The following GPC6 variants were observed in gnomAD, a reference collection of about 807,000 sequenced individuals.
GPC6 encodes the protein glypican 6.
Under a neutral mutation model 55.2 loss-of-function variants are expected in GPC6, and 14 were observed. That is an observed-to-expected ratio of 0.25 (90% CI 0.17 to 0.40). The LOEUF is 0.40. Ranked by LOEUF, GPC6 falls within the 10% of genes least tolerant of loss-of-function variation. GPC6 has a pLI of 1.00. For synonymous variants in GPC6, 278 were observed against 259.6 expected (o/e 1.07, Z -0.68); for missense variants, 641 against 708.5 (o/e 0.90, Z 1.08).
intron 4 of GPC6, among the ~76,000 whole-genome samples, chr13:94,094,522 G>C (rs1238336820): frequency 6.6e-6 from 1 of 152,068 alleles, no homozygotes; most frequent in Non-Finnish European, 1.5e-5. Context: ...CTTCCCATTG[G>C]TGATGCCATT....
chr13:93,684,378 G>A (rs1019843065), intron 2 of GPC6, among the ~76,000 whole-genome samples: 3 of 152,116 alleles, frequency 2.0e-5, no homozygotes, highest in African/African-American at 7.2e-5. Context: ...AGTAGAGGTG[G>A]GATTTCATCA....
Position 93,806,407 on chromosome 13 carries a change from G to A in GPC6, c.320-23747G>A, listed in dbSNP as rs896565805. Among the ~76,000 whole-genome samples the A allele has an allele frequency of 2.0e-5, 3 of 152,206 alleles. No individual in the cohort carries two copies. In the East Asian group the frequency reaches 5.8e-4, roughly 29 times the overall value. ...GGCTGGAGGGCAATGGCGCAGTCGC[G>A]GCTCACTGCAACCTCTGCCTCCTGA... On this transcript the variant is annotated intron_variant, in intron 2 of 8. Coordinates refer to ENST00000377047, the MANE Select transcript of GPC6 (RefSeq NM_005708.5).
chr13:94,138,914 TGGGC>T (rs1477473764), intron 4 of GPC6, among the ~76,000 whole-genome samples: 1 of 152,006 alleles, frequency 6.6e-6, no homozygotes, highest in Non-Finnish European at 1.5e-5. Flanking sequence ...TCTAGGGCAA[TGGGC>T]AGGAAACCAG....
intron 1 of GPC6, among the ~76,000 whole-genome samples, chr13:93,253,647 T>C (rs992271989): frequency 6.6e-6 from 1 of 152,116 alleles, no homozygotes; most frequent in African/African-American, 2.4e-5. Flanking sequence ...ACAGTATTAA[T>C]TGTTCTTTGA....
chr13:94,246,951 T>C (rs187088569), intron 4 of GPC6, among the ~76,000 whole-genome samples: 4 of 152,198 alleles, frequency 2.6e-5, no homozygotes, highest in Admixed American at 2.6e-4. Context: ...TTAAGCAGTA[T>C]GGACATTTTA....
chr13:93,983,472 G>T (rs1370758403), intron 3 of GPC6, among the ~76,000 whole-genome samples: 1 of 151,750 alleles, frequency 6.6e-6, no homozygotes, highest in South Asian at 2.1e-4. Flanking sequence ...GTCTTACTCT[G>T]TTGGTCAAGC....
intron 1 of GPC6, among the ~76,000 whole-genome samples, chr13:93,309,044 C>T (rs1878972390): frequency 6.6e-6 from 1 of 152,006 alleles, no homozygotes; most frequent in Non-Finnish European, 1.5e-5. Flanking sequence ...TATAGTGGAA[C>T]AAAATACTGA....
rs140243309 is a variant in GPC6, at chr13:94,322,542, G to A, written c.1152+16419G>A. On this transcript the variant is annotated intron_variant, in intron 6 of 8. Transcript: ENST00000377047. ...TGTGGAATATTATGCTCCAGACTGC[G>A]GTGATTACTGTTTTCAGCCCAGTTA... 3.4e-4 allele frequency among the ~76,000 whole-genome samples: 51 copies of A among 152,100 alleles called. 1 individual carries two copies. The highest frequency in any genetic ancestry group is 6.5e-4 in the Admixed American group (10 of 15,276).
At chr13:94,393,971 A>G (rs893185014) in intron 7 of GPC6, among the ~76,000 whole-genome samples, 1 of 152,006 alleles carries the variant, frequency 6.6e-6, no homozygotes, top group Non-Finnish European at 1.5e-5. Context: ...CTGCTGGGAA[A>G]CTTCTGTGGG....
chr13:94,322,376 G>A (rs7336410), intron 6 of GPC6, among the ~76,000 whole-genome samples: 4 of 152,006 alleles, frequency 2.6e-5, no homozygotes, highest in East Asian at 1.9e-4. Flanking sequence ...GAAAGCAGAC[G>A]ACTACACCTA....
intron 4 of GPC6, among the ~76,000 whole-genome samples, chr13:94,282,080 C>T (rs1594128853): frequency 6.6e-6 from 1 of 152,112 alleles, no homozygotes; most frequent in African/African-American, 2.4e-5. Flanking sequence ...TTTGCTCTTA[C>T]CACAAAATAA....
chr13:94,059,036 T>C (rs2138764890), intron 4 of GPC6, among the ~76,000 whole-genome samples: 1 of 152,234 alleles, frequency 6.6e-6, no homozygotes, highest in South Asian at 2.1e-4. Context: ...TGATTAAAGG[T>C]TACAAAATGA....
chr13:93,336,355 A>G (rs1880044948), intron 1 of GPC6, among the ~76,000 whole-genome samples: 1 of 152,236 alleles, frequency 6.6e-6, no homozygotes, highest in Non-Finnish European at 1.5e-5. Flanking sequence ...TTCCCCTTAT[A>G]TAATAATATT....
chr13:94,231,952 A>G (rs2139014318), intron 4 of GPC6, among the ~76,000 whole-genome samples: 1 of 152,326 alleles, frequency 6.6e-6, no homozygotes, highest in African/African-American at 2.4e-5. Context: ...GAAAAATCCC[A>G]AAGGTCCAAA....
chr13:93,388,886 T>C (rs903020318), intron 1 of GPC6, among the ~76,000 whole-genome samples: 4 of 152,228 alleles, frequency 2.6e-5, no homozygotes, highest in East Asian at 3.9e-4. Context: ...AAAGGACTTA[T>C]GAGTGTGTGA....
intron 2 of GPC6, among the ~76,000 whole-genome samples, chr13:93,637,128 A>G (rs1028974603): frequency 1.3e-5 from 2 of 152,148 alleles, no homozygotes; most frequent in Admixed American, 1.3e-4. Context: ...TCAATGATCA[A>G]TGCTAACATT....
At chr13:93,990,697 A>AT (rs35070918) in intron 3 of GPC6, among the ~76,000 whole-genome samples, 1,621 of 143,960 alleles carry the variant, frequency 0.011, 28 homozygotes, top group African/African-American at 0.036. Context: ...CTCTACAACA[A>AT]TTTTTTTTTT....
chr13:93,401,526 T>TG (rs374095434), intron 1 of GPC6, among the ~76,000 whole-genome samples: 1 of 145,774 alleles, frequency 6.9e-6, no homozygotes, highest in Non-Finnish European at 1.5e-5. Context: ...TAGGTTGCAC[T>TG]AAAAAAAAAA....
intron 2 of GPC6, among the ~76,000 whole-genome samples, chr13:93,621,950 A>T (rs866427048): frequency 2.6e-5 from 4 of 151,948 alleles, no homozygotes; most frequent in Admixed American, 1.3e-4. Flanking sequence ...CAAACCTTAG[A>T]TCTTATTCCT....
Sources: allele counts gnomAD v4.1 joint callset (sites outside exome capture counted in the v4.1 genomes callset), GRCh38; gene constraint gnomAD v4.1.1; transcripts MANE v1.5; gene names NCBI Gene and HGNC (gene_info 2026-07-23, HGNC 2026-07-21).